The following ADD1 variants were observed in gnomAD, a reference collection of about 807,000 sequenced individuals.
ADD1 encodes the protein adducin 1, also known as alpha-adducin.
A neutral mutation model predicts 80.5 loss-of-function variants in ADD1; 24 were observed. That is an observed-to-expected ratio of 0.30 (90% CI 0.22 to 0.42). ADD1 has a LOEUF of 0.42. ADD1 is among the 10% of genes least tolerant of loss of function. The pLI is 1.00. For synonymous variants in ADD1, 373 were observed against 393.8 expected (o/e 0.95, Z 0.63); for missense variants, 948 against 1,019.0 (o/e 0.93, Z 0.95).
At chr4:2,911,448 A>ATATATATATATATATATATATATTTTTTT (rs553567632) in intron 13 of ADD1, among the ~76,000 whole-genome samples, 4 of 130,518 alleles carry the variant, frequency 3.1e-5, no homozygotes, top group African/African-American at 1.2e-4. Flanking sequence ...ATATATATAT[A>ATATATATATATATATATATATATTTTTTT]TTTTTTTTTT....
chr4:2,846,660 C>T (rs914750566), intron 1 of ADD1, among the ~76,000 whole-genome samples: 4 of 151,892 alleles, frequency 2.6e-5, no homozygotes, highest in Admixed American at 6.6e-5. Flanking sequence ...TGAATTGTTT[C>T]GCTAATATCC....
chr4:2,909,106 A>G, intron 12 of ADD1: 4 of 557,278 alleles, frequency 7.2e-6, no homozygotes, highest in South Asian at 2.1e-5. Context: ...GAAAACTAAT[A>G]TGCCACCTAA....
chr4:2,873,140 G>A (rs1025640851), intron 1 of ADD1, among the ~76,000 whole-genome samples: 10 of 151,996 alleles, frequency 6.6e-5, no homozygotes, highest in Non-Finnish European at 1.5e-4. Context: ...TTACAGGTGC[G>A]TGCCCCCACG....
At chr4:2,874,644 A>G (rs948518284) in intron 1 of ADD1, among the ~76,000 whole-genome samples, 6 of 151,938 alleles carry the variant, frequency 3.9e-5, no homozygotes, top group African/African-American at 1.2e-4. Flanking sequence ...CACTTTAAGC[A>G]TATTTTTATC....
At chr4:2,872,324 C>T (rs1730581162) in intron 1 of ADD1, among the ~76,000 whole-genome samples, 1 of 152,148 alleles carries the variant, frequency 6.6e-6, no homozygotes, top group Admixed American at 6.6e-5. Flanking sequence ...AAAATCAAAG[C>T]AACATTATAG....
intron 4 of ADD1, chr4:2,887,422 A>G (rs769803698): frequency 4.4e-5 from 5 of 114,224 alleles, no homozygotes; most frequent in Non-Finnish European, 6.5e-5. Context: ...GATCTTTAAG[A>G]TTGCATTGGA....
chr4:2,847,677 A>G (rs1057423969), intron 1 of ADD1, among the ~76,000 whole-genome samples: 3 of 152,176 alleles, frequency 2.0e-5, no homozygotes, highest in Non-Finnish European at 4.4e-5. Flanking sequence ...CATGTGCCCA[A>G]GGTGGTTGGG....
chr4:2,883,656 G>A (rs1157689114), intron 3 of ADD1, among the ~76,000 whole-genome samples: 1 of 151,786 alleles, frequency 6.6e-6, no homozygotes, highest in Non-Finnish European at 1.5e-5. Context: ...TGCCTTCCAT[G>A]CCTGGCTAAT....
intron 1 of ADD1, among the ~76,000 whole-genome samples, chr4:2,860,441 C>T (rs954431126): frequency 2.0e-5 from 3 of 152,182 alleles, no homozygotes; most frequent in African/African-American, 7.2e-5. Flanking sequence ...TTGCTGTACT[C>T]CAAGGGTCTC....
At chr4:2,876,909 G>A (rs1731417628) in intron 2 of ADD1, among the ~76,000 whole-genome samples, 1 of 151,826 alleles carries the variant, frequency 6.6e-6, no homozygotes. Flanking sequence ...GGCTGAGGCA[G>A]GAGAATCACT....
intron 1 of ADD1, among the ~76,000 whole-genome samples, chr4:2,870,260 T>C (rs1221520843): frequency 6.6e-6 from 1 of 152,250 alleles, no homozygotes; most frequent in African/African-American, 2.4e-5. Context: ...TTAATAAAGA[T>C]GGATCATCCC....
rs1231777650 is a variant in ADD1, at chr4:2,926,185, G to A, written c.2047+73G>A. 1.3e-5 allele frequency: 18 copies of A among 1,361,886 alleles called. No homozygotes were observed. The highest frequency in any genetic ancestry group is 1.7e-5 in the Admixed American group (1 of 57,346). The allele number at this position is 1,361,886 out of a possible 1,614,324, so 84.4% of individuals were successfully genotyped here. On this transcript the variant is annotated intron_variant, in intron 15 of 15. Transcript: ENST00000683351. This position sits in a 1 kb window ranked among gnomAD's most constrained non-coding sequence, Gnocchi z 5.0. ...CGTGCGCGCTGTGGCGGAATGTGGC[G>A]GGAGTCGTGTTAACAGCAACACGGA...
In ADD1 at chr4:2,846,174, A is replaced by G. The variant is rs571963554; in HGVS notation, c.-21+2150A>G. 2.2e-3 allele frequency among the ~76,000 whole-genome samples: 340 copies of G among 152,338 alleles called. 2 individuals carry two copies. The highest frequency in any genetic ancestry group is 3.4e-3 in the Middle Eastern group (1 of 294). On this transcript the variant is annotated intron_variant, in intron 1 of 15. Coordinates refer to ENST00000683351, the MANE Select transcript of ADD1 (RefSeq NM_001354761.2). ...CTCATTTTTTTTCTTAACAATTTCA[A>G]TCGATCCACATGCTATCTATACAGT...
intron 9 of ADD1, 34 bp from the exon 10 acceptor site, chr4:2,904,730 A>T (rs374060610): frequency 6.3e-5 from 99 of 1,573,810 alleles, no homozygotes; most frequent in Non-Finnish European, 8.3e-5. Context: ...GAGATCTGGA[A>T]TATTGACTGT....
intron 9 of ADD1, chr4:2,900,583 AGCAGGGTGGCTTCAGGAG>A (rs1331515651): frequency 6.6e-6 from 1 of 152,320 alleles, no homozygotes; most frequent in African/African-American, 2.4e-5. Flanking sequence ...GGCTTCAGGA[AGCAGGGTGGCTTCAGGAG>A]GCAGGAAGTT....
chr4:2,898,539 A>G lies in ADD1; in HGVS notation c.984+8A>G, dbSNP rs776746947. The G allele has an allele frequency of 3.7e-6, 6 of 1,610,732 alleles. No homozygotes were observed. The Admixed American group carries it at 6.7e-5, about 18-fold the overall frequency. On this transcript the variant is annotated splice_region_variant and intron_variant, in intron 8 of 15. Transcript: ENST00000683351. Reference sequence around the variant, plus strand: ...GTTGCCTGTGAGATCCAGGTAGGGGACAGCCATTCCAGTCACTCTGCAGTT... The same window carrying G: ...GTTGCCTGTGAGATCCAGGTAGGGGGCAGCCATTCCAGTCACTCTGCAGTT...
intron 1 of ADD1, among the ~76,000 whole-genome samples, chr4:2,849,892 C>T (rs1726801575): frequency 6.6e-6 from 1 of 152,132 alleles, no homozygotes; most frequent in African/African-American, 2.4e-5. Context: ...CCCCAAGCCT[C>T]ACTTTTCTCC....
chr4:2,859,937 T>TTC (rs1553819150), intron 1 of ADD1, among the ~76,000 whole-genome samples: 2 of 150,036 alleles, frequency 1.3e-5, no homozygotes, highest in Non-Finnish European at 3.0e-5. Context: ...TTTTTTTTTT[T>TTC]CAGGAGAAAC....
rs1738743116 is a variant in ADD1 at position 2,914,991 on chromosome 4, G to A, written c.1899G>A (p.Glu633=). The A allele has an allele frequency of 6.2e-7, 1 of 1,614,018 alleles. No homozygotes were observed. Among genetic ancestry groups the A allele is most frequent in the African/African-American group, 1.3e-5 (1 of 74,944 alleles). The change falls in exon 14 of 16, where the codon GAG becomes GAA. Residue 633 remains glutamate (E), a synonymous_variant. Transcript: ENST00000683351. Reference sequence around the variant, plus strand: ...CCTTCACCACACTCACAGACCGTGAGCTGGAGGAGTACCGCAGGGAGGTGG... The same window carrying A: ...CCTTCACCACACTCACAGACCGTGAACTGGAGGAGTACCGCAGGGAGGTGG... ...PNPFTTLTDR[E]LEEYRREVER... is the part of the protein sequence containing the mutation.
Sources: gnomAD v4.1 joint callset for allele counts (sites outside exome capture counted in the v4.1 genomes callset) on GRCh38, gnomAD v4.1.1 for gene constraint, Gnocchi (gnomAD v3.1) non-coding constraint, MANE v1.5 for transcripts, NCBI Gene and HGNC (gene_info 2026-07-23, HGNC 2026-07-21) for gene names.